CDC14A: variants seen among roughly 807,000 people sequenced by gnomAD.
CDC14A encodes the protein cell division cycle 14A, also known as dual specificity protein phosphatase CDC14A.
CDC14A carries 53 observed loss-of-function variants against 74.4 expected under a neutral mutation model. That is an observed-to-expected ratio of 0.71 (90% confidence interval 0.57 to 0.89). The LOEUF is 0.89. Ranked by LOEUF, CDC14A falls within the 40% of genes least tolerant of loss-of-function variation. The probability of loss-of-function intolerance (pLI) is 0.00; values close to 1 mark genes in which losing one functional copy is unlikely to be tolerated. For missense variants in CDC14A, 646 were observed against 713.7 expected (o/e 0.91, Z 1.08); for synonymous variants, 247 against 258.4 (o/e 0.96, Z 0.43).
chr1:100,436,586 G>T (rs1276913863), intron 5 of CDC14A, among the ~76,000 whole-genome samples: 2 of 151,814 alleles, frequency 1.3e-5, no homozygotes, highest in Non-Finnish European at 2.9e-5. Context: ...CACCATGCCT[G>T]GCTAATTTTT....
At chr1:100,480,804 A>G (rs1484351342) in intron 10 of CDC14A, 5 of 152,216 alleles carry the variant, frequency 3.3e-5, no homozygotes, top group African/African-American at 9.6e-5. Context: ...TGACACTCCA[A>G]TGATCTAGCT....
chr1:100,478,456 G>A (rs1669140271), intron 10 of CDC14A, among the ~76,000 whole-genome samples: 1 of 152,056 alleles, frequency 6.6e-6, no homozygotes, highest in African/African-American at 2.4e-5. Context: ...TGTGACCTCG[G>A]GGATCATCAT....
intron 10 of CDC14A, among the ~76,000 whole-genome samples, chr1:100,476,612 G>GT (rs11411592): frequency 0.84 from 125,368 of 148,426 alleles, 56,262 homozygotes; most frequent in Non-Finnish European, 0.99. Flanking sequence ...TCAGAGTCTT[G>GT]TTTTTTTTTT....
intron 7 of CDC14A, among the ~76,000 whole-genome samples, chr1:100,444,620 T>A (rs1323768009): frequency 2.0e-5 from 3 of 152,210 alleles, no homozygotes; most frequent in Non-Finnish European, 1.5e-5. Context: ...TTTTCCCAGA[T>A]TCCCATCCTT....
rs1650310917 is a variant in CDC14A, at chr1:100,345,185, T to C, written c.-126+2T>C. On this transcript the variant is annotated splice_donor_variant, in intron 1 of 14. Transcript: ENST00000635056. LOFTEE classifies it low-confidence loss of function (5UTR_SPLICE). ...TCAGTTGATAAAAAGGACTTCTCTGTGAGTGTATATTTTAATTATGCTGTT... is the reference window on the plus strand; with the variant it reads ...TCAGTTGATAAAAAGGACTTCTCTGCGAGTGTATATTTTAATTATGCTGTT... 6.6e-6 allele frequency: 1 copy of C among 152,212 alleles called. No homozygotes were observed. Among genetic ancestry groups the C allele is most frequent in the Non-Finnish European group, 1.5e-5 (1 of 68,032 alleles). The allele number at this position is 152,212 out of a possible 1,614,324, so 9.4% of individuals were successfully genotyped here. A position where few individuals can be genotyped will look rare whatever the true frequency, so the allele number is the denominator to read the frequency against.
intron 2 of CDC14A, among the ~76,000 whole-genome samples, chr1:100,354,129 A>G (rs1557673460): frequency 6.6e-6 from 1 of 152,216 alleles, no homozygotes; most frequent in Non-Finnish European, 1.5e-5. Flanking sequence ...TCCCCAGAGT[A>G]GGACCAGGGA....
At chr1:100,460,420 A>G (rs1052621861) in intron 8 of CDC14A, among the ~76,000 whole-genome samples, 7 of 152,188 alleles carry the variant, frequency 4.6e-5, no homozygotes, top group African/African-American at 1.7e-4. Flanking sequence ...AATTGCTAAC[A>G]CAACGTGTGA....
Position 100,518,334 on chromosome 1 carries a change from T to C in CDC14A, c.*54T>C. On this transcript the variant is annotated 3_prime_UTR_variant, in exon 16 of 16. Coordinates refer to ENST00000336454, the MANE Select transcript of CDC14A (RefSeq NM_003672.4). Reference sequence around the variant, plus strand: ...TTCTCTTAGACACAATTTCTTCATCTGGACGAGCAGTGGAGAGGGAAAGCA... The same window carrying C: ...TTCTCTTAGACACAATTTCTTCATCCGGACGAGCAGTGGAGAGGGAAAGCA... The C allele has an allele frequency of 6.8e-7, 1 of 1,473,288 alleles. No individual in the cohort carries two copies. The highest frequency in any genetic ancestry group is 2.3e-5 in the East Asian group (1 of 44,016). 91.3% of individuals were successfully genotyped at this position (1,473,288 alleles called of 1,614,324 possible).
At chr1:100,459,774 A>G (rs1667139761) in intron 8 of CDC14A, among the ~76,000 whole-genome samples, 2 of 152,194 alleles carry the variant, frequency 1.3e-5, no homozygotes, top group East Asian at 1.9e-4. Context: ...CACATTATAC[A>G]CATTGCTAAA....
rs146025614 is a variant in CDC14A, at chr1:100,449,504, C to A, written c.520-5901C>A. The stretch of plus-strand genomic sequence containing the variant: ...CCATACCCAAATCCACGCAGCTTAC[C>A]CGGTGGCGGCTTCTGAGCTTTTGCA... On this transcript the variant is annotated intron_variant, in intron 7 of 15. Coordinates refer to ENST00000336454, the MANE Select transcript of CDC14A (RefSeq NM_003672.4). Among the ~76,000 whole-genome samples, 889 of 152,262 alleles carry A rather than the reference C, an allele frequency of 5.8e-3. 16 individuals carry two copies. Among genetic ancestry groups the A allele is most frequent in the African/African-American group, 0.021 (862 of 41,554 alleles).
intron 7 of CDC14A, among the ~76,000 whole-genome samples, chr1:100,454,234 T>C (rs982332483): frequency 6.6e-6 from 1 of 152,088 alleles, no homozygotes; most frequent in Non-Finnish European, 1.5e-5. Flanking sequence ...TTTCTACTGT[T>C]GAGGTCCTTG....
intron 4 of CDC14A, among the ~76,000 whole-genome samples, chr1:100,418,083 A>C (rs1321200384): frequency 6.6e-6 from 1 of 152,230 alleles, no homozygotes; most frequent in Non-Finnish European, 1.5e-5. Flanking sequence ...CTTTTCCTGT[A>C]AAATGAAAAT....
chr1:100,456,886 ATCT>A (rs1305482981), intron 8 of CDC14A, among the ~76,000 whole-genome samples: 3 of 152,148 alleles, frequency 2.0e-5, no homozygotes, highest in Non-Finnish European at 4.4e-5. Flanking sequence ...TCAGAATTTG[ATCT>A]TCTTACTTAT....
chr1:100,514,002 G>A (rs1349611093), intron 15 of CDC14A, among the ~76,000 whole-genome samples: 1 of 152,070 alleles, frequency 6.6e-6, no homozygotes, highest in Non-Finnish European at 1.5e-5. Context: ...CATACAATAA[G>A]AATACCACAT....
intron 11 of CDC14A, among the ~76,000 whole-genome samples, chr1:100,492,041 A>T (rs1194746942): frequency 1.3e-5 from 2 of 151,970 alleles, no homozygotes; most frequent in African/African-American, 4.8e-5. Context: ...AAGTATGTTA[A>T]ATCTGGGTAG....
At chr1:100,356,929 T>A (rs891174394) in intron 2 of CDC14A, among the ~76,000 whole-genome samples, 13 of 140,974 alleles carry the variant, frequency 9.2e-5, no homozygotes, top group African/African-American at 2.9e-4. Flanking sequence ...GTGACAATGG[T>A]GATGGAAAGA....
chr1:100,519,392 A>C lies in CDC14A; in HGVS notation c.*1112A>C, dbSNP rs927203967. 6.6e-6 allele frequency: 1 copy of C among 152,138 alleles called. No homozygotes were observed. Among genetic ancestry groups the C allele is most frequent in the Non-Finnish European group, 1.5e-5 (1 of 67,972 alleles). The allele number at this position is 152,138 out of a possible 1,614,324, so 9.4% of individuals were successfully genotyped here. A position where few individuals can be genotyped will look rare whatever the true frequency, so the allele number is the denominator to read the frequency against. ...TAGGTACTCACAGCCCTTTCATGTA[A>C]GTATGATCTGATATTTAGGTCTTCA... is the stretch of plus-strand genomic sequence containing the variant. On this transcript the variant is annotated 3_prime_UTR_variant, in exon 16 of 16. Transcript: ENST00000336454.
rs779321587 is a variant in CDC14A at position 100,353,868 on chromosome 1, G to T, written c.140+16G>T. The stretch of plus-strand genomic sequence containing the variant: ...TCTATGAAAAGTAAGTTTATGTTTT[G>T]TTTTTTTTTCTCTTGGCCATTCAGC... On this transcript the variant is annotated intron_variant, in intron 2 of 15. Coordinates refer to ENST00000336454, the MANE Select transcript of CDC14A (RefSeq NM_003672.4). The T allele has an allele frequency of 6.1e-6, 9 of 1,463,566 alleles. No homozygotes were observed. In the East Asian group the frequency reaches 9.3e-5, roughly 15 times the overall value. 90.7% of individuals were successfully genotyped at this position (1,463,566 alleles called of 1,614,324 possible). A position where few individuals can be genotyped will look rare whatever the true frequency, so the allele number is the denominator to read the frequency against.
chr1:100,414,046 TCTA>T (rs1202880551), intron 4 of CDC14A, among the ~76,000 whole-genome samples: 5 of 152,226 alleles, frequency 3.3e-5, no homozygotes, highest in Non-Finnish European at 7.3e-5. Context: ...AATAGTGTCT[TCTA>T]CTACATTTTA....
Sources: allele counts gnomAD v4.1 joint callset (sites outside exome capture counted in the v4.1 genomes callset), GRCh38; gene constraint gnomAD v4.1.1; transcripts MANE v1.5; gene names NCBI Gene and HGNC (gene_info 2026-07-23, HGNC 2026-07-21).